The following USP13 variants were observed in gnomAD, a reference collection of about 807,000 sequenced individuals.
The protein encoded by USP13 is ubiquitin carboxyl-terminal hydrolase 13.
Under a neutral mutation model 107.8 loss-of-function variants are expected in USP13, and 68 were observed. The ratio of observed to expected loss-of-function variants is 0.63; its 90% CI spans 0.52 to 0.77. The LOEUF is 0.77. USP13 is among the 30% of genes least tolerant of loss of function. The pLI, the probability that USP13 is intolerant of heterozygous loss-of-function variation, is 0.00. For missense variants in USP13, 945 were observed against 1,093.3 expected (o/e 0.86, Z 1.91); for synonymous variants, 377 against 389.5 (o/e 0.97, Z 0.38).
Position 179,779,139 on chromosome 3 carries a change from A to C in USP13, c.2414-2600A>C, listed in dbSNP as rs140362676. Among the ~76,000 whole-genome samples, 741 of 152,116 alleles carry C rather than the reference A, an allele frequency of 4.9e-3. 5 individuals carry two copies. The Middle Eastern group carries it at 0.058, about 12-fold the overall frequency. On this transcript the variant is annotated intron_variant, in intron 19 of 20. Coordinates refer to ENST00000263966, the MANE Select transcript of USP13 (RefSeq NM_003940.3). ...TGAGGAGAGGAGGTAAGAGGATTTC[A>C]TAGGCCACTGCAAGAGTGAGATTTT...
intron 14 of USP13, 118 bp downstream of exon 14, chr3:179,752,491 C>A (rs1300949781): frequency 1.3e-6 from 1 of 776,448 alleles, no homozygotes; most frequent in Non-Finnish European, 2.2e-6. Context: ...TTCCATCATT[C>A]TCACCTTTCT....
chr3:179,730,423 T>C (rs1275734772), intron 9 of USP13, among the ~76,000 whole-genome samples, 163 bp downstream of exon 9: 3 of 152,222 alleles, frequency 2.0e-5, no homozygotes, highest in Non-Finnish European at 4.4e-5. Context: ...TAAAGTTATC[T>C]ACAAAGGACT....
intron 13 of USP13, among the ~76,000 whole-genome samples, chr3:179,752,034 C>T (rs1435360046): frequency 6.6e-6 from 1 of 152,196 alleles, no homozygotes; most frequent in African/African-American, 2.4e-5. Context: ...TGAGCCACCG[C>T]ACCTACCCAA....
chr3:179,701,473 G>C (rs777958972), intron 4 of USP13, among the ~76,000 whole-genome samples: 2 of 152,114 alleles, frequency 1.3e-5, no homozygotes, highest in South Asian at 2.1e-4. Context: ...CAGATCTACA[G>C]GGACTGCTGG....
chr3:179,699,357 G>T (rs1271527959), intron 3 of USP13, among the ~76,000 whole-genome samples: 4 of 151,994 alleles, frequency 2.6e-5, no homozygotes, highest in Non-Finnish European at 5.9e-5. Context: ...TTGCTACCTA[G>T]TAATGTTTGG....
At chr3:179,708,212 T>TA (rs1712791931) in intron 5 of USP13, among the ~76,000 whole-genome samples, 1 of 152,142 alleles carries the variant, frequency 6.6e-6, no homozygotes, top group East Asian at 1.9e-4. Flanking sequence ...TTTTCGAAAG[T>TA]AAAAAAGCCA....
chr3:179,662,833 TCTCTTTTTCCTC>T (rs1278781874), intron 1 of USP13, among the ~76,000 whole-genome samples: 1 of 152,142 alleles, frequency 6.6e-6, no homozygotes, highest in Admixed American at 6.5e-5. Context: ...AACTCTGAAT[TCTCTTTTTCCTC>T]CCCTGCATTC....
At chr3:179,687,663 A>AAAAAAAAAAAAAAG (rs1711923295) in intron 2 of USP13, among the ~76,000 whole-genome samples, 1 of 113,426 alleles carries the variant, frequency 8.8e-6, no homozygotes, top group African/African-American at 4.2e-5. Flanking sequence ...CTGTCTCAAA[A>AAAAAAAAAAAAAAG]AAAAAAAAAA....
chr3:179,777,551 C>T (rs1715591585), intron 19 of USP13, among the ~76,000 whole-genome samples: 1 of 151,304 alleles, frequency 6.6e-6, no homozygotes, highest in African/African-American at 2.4e-5. Context: ...CCCCTGGGCT[C>T]CAGCAATTCT....
In USP13 at chr3:179,690,237, T is replaced by C. The variant is rs1712066164; in HGVS notation, c.295-4T>C. 1.9e-6 allele frequency: 3 copies of C among 1,612,938 alleles called. No homozygotes were observed. The highest frequency in any genetic ancestry group is 2.5e-6 in the Non-Finnish European group (3 of 1,179,670). On this transcript the variant is annotated splice_polypyrimidine_tract_variant and splice_region_variant and intron_variant, in intron 2 of 20. Transcript: ENST00000263966. ...ATTTTAATGATCTTTTGTTTTCTTT[T>C]CAGAAGGTAAGAGGGGCGTCTGGTG...
At chr3:179,666,782 G>A (rs1357435452) in intron 1 of USP13, among the ~76,000 whole-genome samples, 1 of 152,074 alleles carries the variant, frequency 6.6e-6, no homozygotes, top group East Asian at 1.9e-4. Context: ...AAGCCCCCAC[G>A]AGAGCATGTG....
chr3:179,699,481 G>A (rs1416722205), intron 3 of USP13, among the ~76,000 whole-genome samples: 1 of 152,050 alleles, frequency 6.6e-6, no homozygotes, highest in Non-Finnish European at 1.5e-5. Flanking sequence ...AGATGCTGAG[G>A]TGGGGGGATT....
intron 4 of USP13, among the ~76,000 whole-genome samples, chr3:179,703,096 TATATC>T (rs1712593383): frequency 1.3e-5 from 2 of 152,218 alleles, no homozygotes; most frequent in Non-Finnish European, 2.9e-5. Flanking sequence ...TCCAGCAAGA[TATATC>T]ATCATTTTTA....
intron 2 of USP13, among the ~76,000 whole-genome samples, chr3:179,686,059 G>A (rs144838577): frequency 9.2e-5 from 14 of 152,226 alleles, no homozygotes; most frequent in Middle Eastern, 3.4e-3. Context: ...GGGTTTGAGC[G>A]TGTCACATTT....
intron 15 of USP13, 87 bp downstream of exon 15, chr3:179,754,941 T>A: frequency 1.4e-6 from 2 of 1,465,430 alleles, no homozygotes; most frequent in Non-Finnish European, 1.8e-6. Context: ...GTGTTGCTGC[T>A]ACCACCACCA....
rs936479888 is a variant in USP13 at position 179,653,178 on chromosome 3, C to CGCTCCG, written c.-37_-32dup. Reference sequence around the variant, plus strand: ...GCGCCGCCGCCGCCGGCAGACCCCGCGCTCCGGCTCCGGCTCGGCTCGCTC... The same window carrying CGCTCCG: ...GCGCCGCCGCCGCCGGCAGACCCCGCGCTCCGGCTCCGGCTCCGGCTCGGCTCGCTC... On this transcript the variant is annotated 5_prime_UTR_variant, in exon 1 of 21. Coordinates refer to ENST00000263966, the MANE Select transcript of USP13 (RefSeq NM_003940.3). The surrounding 1 kb of genome is among the most constrained non-coding windows in gnomAD (Gnocchi z 4.0). 3.6e-4 allele frequency: 423 copies of CGCTCCG among 1,175,296 alleles called. No individual in the cohort carries two copies. The highest frequency in any genetic ancestry group is 4.3e-4 in the Non-Finnish European group (404 of 948,916). The allele number at this position is 1,175,296 out of a possible 1,614,324, so 72.8% of individuals were successfully genotyped here.
intron 12 of USP13, among the ~76,000 whole-genome samples, chr3:179,743,413 T>C (rs1714274336): frequency 6.6e-6 from 1 of 151,130 alleles, no homozygotes; most frequent in Non-Finnish European, 1.5e-5. Context: ...GAAAAAAAAA[T>C]TCAGCGGTTC....
Position 179,761,153 on chromosome 3 carries a change from A to T in USP13, c.1990A>T (p.Met664Leu), listed in dbSNP as rs1241698552. ...GTCATCAGTGATGCAGCTGGCCGAG[A>T]TGGGTTTCCCGCTGGAAGCATGTCG... ...DESSVMQLAE[M>L]GFPLEACRKA... The change falls in exon 17 of 21, where the codon ATG (methionine) becomes TTG (leucine). Residue 664 changes from methionine to leucine, a missense_variant. Transcript: ENST00000263966. 1 of 1,614,126 alleles carries T rather than the reference A, an allele frequency of 6.2e-7. No individual in the cohort carries two copies. The highest frequency in any genetic ancestry group is 8.5e-7 in the Non-Finnish European group (1 of 1,180,032).
chr3:179,756,030 C>CA (rs780573941), intron 15 of USP13, among the ~76,000 whole-genome samples: 8 of 152,238 alleles, frequency 5.3e-5, no homozygotes, highest in African/African-American at 1.2e-4. Flanking sequence ...GAAGGATCAG[C>CA]ATGGGCATCA....
Sources: allele counts gnomAD v4.1 joint callset (sites outside exome capture counted in the v4.1 genomes callset), GRCh38; gene constraint gnomAD v4.1.1; non-coding constraint Gnocchi (gnomAD v3.1); transcripts MANE v1.5; gene names NCBI Gene and HGNC (gene_info 2026-07-23, HGNC 2026-07-21).